Variants in GRIK5 observed in about 807,000 individuals in gnomAD.
The protein encoded by GRIK5 is glutamate receptor ionotropic, kainate 5.
In GRIK5, 43 loss-of-function variants were observed where a neutral mutation model predicts 97.4. That is an observed-to-expected ratio of 0.44 (90% CI 0.35 to 0.57). The LOEUF is 0.57. Ranked by LOEUF, GRIK5 falls within the 20% of genes least tolerant of loss-of-function variation. The pLI is 0.01. For missense variants in GRIK5, 1,015 were observed against 1,382.0 expected (o/e 0.73, Z 4.21); for synonymous variants, 580 against 583.5 (o/e 0.99, Z 0.09).
rs1555870573 is a variant in GRIK5 at position 41,999,929 on chromosome 19, T to C, written c.2515-630A>G. Among the ~76,000 whole-genome samples the C allele has an allele frequency of 6.6e-6, 1 of 152,102 alleles. No homozygotes were observed. Among genetic ancestry groups the C allele is most frequent in the African/African-American group, 2.4e-5 (1 of 41,388 alleles). On this transcript the variant is annotated intron_variant, in intron 19 of 19. Transcript: ENST00000593562. This position sits in a 1 kb window ranked among gnomAD's most constrained non-coding sequence, Gnocchi z 5.0. Reference sequence around the variant, plus strand: ...AAGGAAGACCTCACTGAGAGAAGGATCCTTAAATAAAGACAGGGTGAGCCA... The same window carrying C: ...AAGGAAGACCTCACTGAGAGAAGGACCCTTAAATAAAGACAGGGTGAGCCA...
chr19:42,067,720 G>A (rs958848581), intron 1 of GRIK5, among the ~76,000 whole-genome samples: 2 of 152,154 alleles, frequency 1.3e-5, no homozygotes, highest in Admixed American at 1.3e-4. Context: ...GGGGCAGCAG[G>A]TGGACACAGA....
At chr19:42,023,224 G>A (rs2075724792) in intron 12 of GRIK5, among the ~76,000 whole-genome samples, 1 of 151,994 alleles carries the variant, frequency 6.6e-6, no homozygotes, top group South Asian at 2.1e-4. Flanking sequence ...CCGGGTACGG[G>A]AGAGATGGCA....
intron 12 of GRIK5, among the ~76,000 whole-genome samples, chr19:42,037,460 A>C (rs1477029505): frequency 6.6e-6 from 1 of 152,224 alleles, no homozygotes; most frequent in African/African-American, 2.4e-5. Context: ...CTCTGCCTCA[A>C]AAAGAAAAAC....
At chr19:42,049,395 G>A (rs952112243) in intron 11 of GRIK5, among the ~76,000 whole-genome samples, 5 of 152,156 alleles carry the variant, frequency 3.3e-5, no homozygotes, top group African/African-American at 9.7e-5. Context: ...CAAAAAGCCA[G>A]AAACAAACGT....
At chr19:42,038,308 A>AAGGAGACCTGTGCCTGGCCC (rs1443352457) in intron 12 of GRIK5, among the ~76,000 whole-genome samples, 1 of 152,224 alleles carries the variant, frequency 6.6e-6, no homozygotes, top group East Asian at 1.9e-4. Flanking sequence ...AAGACAGGCC[A>AAGGAGACCTGTGCCTGGCCC]AGGAGACCTG....
At position 42,038,571 on chromosome 19, in the gene GRIK5, C is replaced by A. The variant is rs1288741852; in HGVS notation, c.1473+3981G>T. On this transcript the variant is annotated intron_variant, in intron 12 of 19. Transcript: ENST00000593562. ...CAAGTCAGAAAGCTCAGACAAGGGC[C>A]TGGCACAGCGTGCCACTCCATCAGT... Among the ~76,000 whole-genome samples, 4 of 152,256 alleles carry A rather than the reference C, an allele frequency of 2.6e-5. No individual in the cohort carries two copies. In the East Asian group the frequency reaches 7.7e-4, roughly 29 times the overall value.
intron 11 of GRIK5, among the ~76,000 whole-genome samples, chr19:42,044,178 G>A (rs901259263): frequency 2.0e-5 from 3 of 152,060 alleles, no homozygotes; most frequent in African/African-American, 7.2e-5. Context: ...CTTCCCCTTC[G>A]CCTTCTGCTA....
chr19:42,042,490 G>A lies in GRIK5; in HGVS notation c.1473+62C>T. ...CTTCTGAGGTTCGACTGGCTGCCCA[G>A]CTGCCCGCCCTCCCTCACTCGCCGG... is the stretch of plus-strand genomic sequence containing the variant. On this transcript the variant is annotated intron_variant, in intron 12 of 19. Transcript: ENST00000593562. The surrounding 1 kb of genome is among the most constrained non-coding windows in gnomAD (Gnocchi z 6.9). The A allele has an allele frequency of 6.9e-7, 1 of 1,458,476 alleles. No individual in the cohort carries two copies. The highest frequency in any genetic ancestry group is 9.4e-7 in the Non-Finnish European group (1 of 1,066,458). 90.3% of individuals were successfully genotyped at this position (1,458,476 alleles called of 1,614,324 possible).
intron 12 of GRIK5, among the ~76,000 whole-genome samples, chr19:42,037,323 G>C (rs531430229): frequency 6.6e-6 from 1 of 152,316 alleles, no homozygotes; most frequent in South Asian, 2.1e-4. Flanking sequence ...GCCGGGCATT[G>C]TGGTGCATTC....
At chr19:42,044,361 C>T (rs777050317) in intron 11 of GRIK5, among the ~76,000 whole-genome samples, 21 of 152,282 alleles carry the variant, frequency 1.4e-4, no homozygotes, top group Non-Finnish European at 2.6e-4. Flanking sequence ...GTTCTGCAGG[C>T]CAAAACAAAC....
chr19:42,050,968 C>T (rs967800735), intron 11 of GRIK5, among the ~76,000 whole-genome samples: 8 of 152,080 alleles, frequency 5.3e-5, no homozygotes, highest in Non-Finnish European at 1.0e-4. Flanking sequence ...CCCCTCAAGG[C>T]GAGACGCAGA....
chr19:42,026,280 G>A (rs376164974), intron 12 of GRIK5, among the ~76,000 whole-genome samples: 4 of 146,896 alleles, frequency 2.7e-5, no homozygotes, highest in South Asian at 2.2e-4. Context: ...GAGACACAGC[G>A]CCTTGTTCTT....
At position 42,065,438 on chromosome 19, in the gene GRIK5, G is replaced by C; in HGVS notation, c.80-51C>G. 2 of 1,524,248 alleles carry C rather than the reference G, an allele frequency of 1.3e-6. No individual in the cohort carries two copies. The highest frequency in any genetic ancestry group is 1.2e-5 in the South Asian group (1 of 81,500). The allele number at this position is 1,524,248 out of a possible 1,614,324, so 94.4% of individuals were successfully genotyped here. A position where few individuals can be genotyped will look rare whatever the true frequency, so the allele number is the denominator to read the frequency against. On this transcript the variant is annotated intron_variant, in intron 2 of 19. Transcript: ENST00000593562. This position sits in a 1 kb window ranked among gnomAD's most constrained non-coding sequence, Gnocchi z 5.8. ...CAGACTCCTGAGTCCTGAGGAAGGA[G>C]GGGGCTGTGGTCTTAGACTCCAGGG... is the stretch of plus-strand genomic sequence containing the variant.
chr19:42,062,702 C>G lies in GRIK5; in HGVS notation c.343-49G>C. On this transcript the variant is annotated intron_variant, in intron 4 of 19. Coordinates refer to ENST00000593562, the MANE Select transcript of GRIK5 (RefSeq NM_002088.5). The surrounding 1 kb of genome is among the most constrained non-coding windows in gnomAD (Gnocchi z 5.3). Reference sequence around the variant, plus strand: ...CTCCATCCTGCTTCTCCGCCCAGCCCTCGCCTCCCAGGGACCCGCTCCCCA... The same window carrying G: ...CTCCATCCTGCTTCTCCGCCCAGCCGTCGCCTCCCAGGGACCCGCTCCCCA... 6.2e-7 allele frequency: 1 copy of G among 1,613,404 alleles called. No individual in the cohort carries two copies. The highest frequency in any genetic ancestry group is 8.5e-7 in the Non-Finnish European group (1 of 1,179,398).
In GRIK5 at chr19:42,067,429, A is replaced by G. The variant is rs1222828563; in HGVS notation, c.-50-1609T>C. On this transcript the variant is annotated intron_variant, in intron 1 of 19. Transcript: ENST00000593562. ...GGAGGGTATGCTGGACAGGCTGGGG[A>G]CTGCAAACTATAATGTGGATTAAGG... is the stretch of plus-strand genomic sequence containing the variant. Among the ~76,000 whole-genome samples the G allele has an allele frequency of 4.6e-5, 7 of 152,278 alleles. No individual in the cohort carries two copies. In the East Asian group the frequency reaches 1.3e-3, roughly 29 times the overall value.
chr19:42,032,764 C>G (rs896602170), intron 12 of GRIK5, among the ~76,000 whole-genome samples: 4 of 152,170 alleles, frequency 2.6e-5, no homozygotes, highest in Non-Finnish European at 5.9e-5. Context: ...GCTGCCCTGG[C>G]CAAACCCCAT....
chr19:41,999,663 A>G lies in GRIK5; in HGVS notation c.2515-364T>C, dbSNP rs948992765. Among the ~76,000 whole-genome samples, 1 of 152,144 alleles carries G rather than the reference A, an allele frequency of 6.6e-6. No individual in the cohort carries two copies. Among genetic ancestry groups the G allele is most frequent in the Non-Finnish European group, 1.5e-5 (1 of 68,032 alleles). On this transcript the variant is annotated intron_variant, in intron 19 of 19. Coordinates refer to ENST00000593562, the MANE Select transcript of GRIK5 (RefSeq NM_002088.5). This position sits in a 1 kb window ranked among gnomAD's most constrained non-coding sequence, Gnocchi z 5.0. ...ATCCATGCGTTCATTATTGCAAGGC[A>G]TATTTACCTGTGGCCTGCTGTGTGC...
chr19:42,016,139 G>A (rs1393347671), intron 15 of GRIK5, among the ~76,000 whole-genome samples: 2 of 152,162 alleles, frequency 1.3e-5, no homozygotes, highest in African/African-American at 4.8e-5. Flanking sequence ...AAAATTATTT[G>A]GCCAGGCACA....
At position 42,053,934 on chromosome 19, in the gene GRIK5, C is replaced by G. The variant is rs2076148352; in HGVS notation, c.1057-5G>C. 6.2e-7 allele frequency: 1 copy of G among 1,605,564 alleles called. No individual in the cohort carries two copies. Among genetic ancestry groups the G allele is most frequent in the Admixed American group, 1.7e-5 (1 of 59,934 alleles). ...GGTCAGCCCATCATACTCTACCTGG[C>G]AGGGTGGGGAGGTGGGGCAGAGGGA... On this transcript the variant is annotated splice_region_variant and splice_polypyrimidine_tract_variant and intron_variant, in intron 9 of 19. Coordinates refer to ENST00000593562, the MANE Select transcript of GRIK5 (RefSeq NM_002088.5).
Sources: allele counts gnomAD v4.1 joint callset (sites outside exome capture counted in the v4.1 genomes callset), GRCh38; gene constraint gnomAD v4.1.1; non-coding constraint Gnocchi (gnomAD v3.1); transcripts MANE v1.5; gene names NCBI Gene and HGNC (gene_info 2026-07-23, HGNC 2026-07-21).